The following YTHDC2 variants were observed in gnomAD, a reference collection of about 807,000 sequenced individuals.
YTHDC2 encodes the protein YTH N6-methyladenosine RNA binding protein C2, also known as 3'-5' RNA helicase YTHDC2.
In YTHDC2, 45 loss-of-function variants were observed where a neutral mutation model predicts 174.9. That is an observed-to-expected ratio of 0.26 (90% CI 0.20 to 0.33). The LOEUF is 0.33. Among genes scored for constraint, YTHDC2 ranks in the 10% least tolerant of loss-of-function variants. The pLI is 1.00. For synonymous variants in YTHDC2, 657 were observed against 574.5 expected (o/e 1.14, Z -2.05); for missense variants, 1,650 against 1,723.7 (o/e 0.96, Z 0.76).
intron 3 of YTHDC2, 96 bp from the exon 4 acceptor site, chr5:113,526,490 A>G: frequency 1.1e-6 from 1 of 896,636 alleles, no homozygotes; most frequent in Non-Finnish European, 1.6e-6. Context: ...GTCTTTTGGC[A>G]TGTTTTTCTA....
rs1773216274 is a variant in YTHDC2, at chr5:113,514,034, A to G, written c.139A>G (p.Ile47Val). The G allele has an allele frequency of 6.2e-7, 1 of 1,611,944 alleles. No individual in the cohort carries two copies. Among genetic ancestry groups the G allele is most frequent in the East Asian group, 2.2e-5 (1 of 44,840 alleles). Residue 47 changes from isoleucine (I) to valine (V), a missense_variant, in exon 1 of 30, where the codon ATC becomes GTC. By Grantham distance (29) the Ile-to-Val change is conservative. Around this residue, in one of 5 missense-constraint regions of YTHDC2, gnomAD observed 304 missense variants for 341.4 expected, o/e 0.89. Transcript: ENST00000161863. The stretch of plus-strand genomic sequence containing the variant: ...CATTCGCATTGATGAGGAGGTGAAG[A>G]TCGCAGTCAATATCGCGCTGGAGCG... ...KDIRIDEEVK[I>V]AVNIALERFR...
chr5:113,526,821 A>AT (rs1561628589), intron 4 of YTHDC2, 36 bp downstream of exon 4: 7 of 358,602 alleles, frequency 2.0e-5, no homozygotes, highest in African/African-American at 8.0e-5. Context: ...GAAAAAAAAA[A>AT]AAAAAATATA....
chr5:113,522,221 A>C (rs557663112), intron 2 of YTHDC2, among the ~76,000 whole-genome samples: 1 of 146,958 alleles, frequency 6.8e-6, no homozygotes, highest in South Asian at 2.1e-4. Flanking sequence ...CAGTCATTTG[A>C]GATTTGGGCT....
At chr5:113,554,134 A>G in intron 16 of YTHDC2, 112 bp downstream of exon 16, 2 of 955,066 alleles carry the variant, frequency 2.1e-6, no homozygotes, top group Non-Finnish European at 2.9e-6. Context: ...CCTCTACTCA[A>G]GACAGCTTGG....
At position 113,539,169 on chromosome 5, in the gene YTHDC2, G is replaced by A. The variant is rs1307769738; in HGVS notation, c.1198G>A (p.Glu400Lys). The change falls in exon 8 of 30, where the codon GAA (glutamate) becomes AAA (lysine). Residue 400 changes from glutamate (E) to lysine (K), a missense_variant. By Grantham distance (56) the Glu-to-Lys change is moderately conservative. Coordinates refer to ENST00000161863, the MANE Select transcript of YTHDC2 (RefSeq NM_022828.5). ...TNKEMLKYKK[E>K]KQQEEKQQTT... ...CAAAGAAATGTTAAAATATAAAAAG[G>A]AAAAACAGCAAGGTAAATTTTTTAA... The A allele has an allele frequency of 5.2e-6, 7 of 1,355,780 alleles. No individual in the cohort carries two copies. Among genetic ancestry groups the A allele is most frequent in the Non-Finnish European group, 7.0e-6 (7 of 1,003,650 alleles). The allele number at this position is 1,355,780 out of a possible 1,614,324, so 84.0% of individuals were successfully genotyped here.
intron 2 of YTHDC2, among the ~76,000 whole-genome samples, chr5:113,521,466 C>T (rs1352501735): frequency 1.3e-5 from 2 of 152,152 alleles, no homozygotes; most frequent in Admixed American, 6.5e-5. Context: ...CGCAGTGGCT[C>T]ATGCTGGTAA....
Position 113,567,811 on chromosome 5 carries a change from T to G in YTHDC2, c.3206T>G (p.Leu1069Trp). The G allele has an allele frequency of 2.5e-6, 4 of 1,589,546 alleles. No individual in the cohort carries two copies. The highest frequency in any genetic ancestry group is 3.4e-6 in the Non-Finnish European group (4 of 1,167,812). Residue 1069 changes from leucine (L) to tryptophan (W), a missense_variant, in exon 23 of 30, where the codon TTG becomes TGG. This residue lies in a region of YTHDC2 where 913 missense variants were observed against 940.4 expected (regional missense o/e 0.97). Coordinates refer to ENST00000161863, the MANE Select transcript of YTHDC2 (RefSeq NM_022828.5). ...TILVFCGPAR[L>W]ASNALQEPSS... Reference sequence around the variant, plus strand: ...TTGGTATTCTGTGGACCAGCTAGATTGGCAAGTAATGCTCTTCAGGAACCT... The same window carrying G: ...TTGGTATTCTGTGGACCAGCTAGATGGGCAAGTAATGCTCTTCAGGAACCT...
rs1773213608 is a variant in YTHDC2, at chr5:113,514,001, C to T, written c.106C>T (p.Leu36=). 3.7e-6 allele frequency: 6 copies of T among 1,608,580 alleles called. No individual in the cohort carries two copies. The highest frequency in any genetic ancestry group is 1.1e-5 in the South Asian group (1 of 90,194). ...TGGGGGCGGCGGCCGGGCCAAGGGG[C>T]TGAAGGACATTCGCATTGATGAGGA... is the stretch of plus-strand genomic sequence containing the variant. ...GPGGGGRAKG[L]KDIRIDEEVK... is the part of the protein sequence containing the mutation. Residue 36 remains leucine, a synonymous_variant, in exon 1 of 30, where the codon CTG becomes TTG. Transcript: ENST00000161863.
At chr5:113,561,959 T>TGTGTGTGG (rs1554099032) in intron 18 of YTHDC2, among the ~76,000 whole-genome samples, 2 of 71,462 alleles carry the variant, frequency 2.8e-5, no homozygotes, top group African/African-American at 1.1e-4. Context: ...TAATTGTGGG[T>TGTGTGTGG]GTGTGTGTGT....
At chr5:113,537,660 A>G (rs1386803169) in intron 7 of YTHDC2, among the ~76,000 whole-genome samples, 2 of 150,946 alleles carry the variant, frequency 1.3e-5, no homozygotes, top group Non-Finnish European at 2.9e-5. Context: ...TTTTCCTGGA[A>G]GCTCTCATTC....
chr5:113,513,893 G>T lies in YTHDC2; in HGVS notation c.-3G>T. 1 of 1,601,928 alleles carries T rather than the reference G, an allele frequency of 6.2e-7. No homozygotes were observed. ...CGTGCGGAGAGACCATCTCTTCAGG[G>T]CAATGTCCAGGCCGAGCAGCGTCTC... On this transcript the variant is annotated 5_prime_UTR_variant, in exon 1 of 30. Coordinates refer to ENST00000161863, the MANE Select transcript of YTHDC2 (RefSeq NM_022828.5).
intron 17 of YTHDC2, among the ~76,000 whole-genome samples, chr5:113,558,084 A>AGGGG (rs1471550923): frequency 6.6e-6 from 1 of 152,202 alleles, no homozygotes. Flanking sequence ...TTGTGAATAA[A>AGGGG]GGGGGAGGCA....
At chr5:113,588,823 C>T (rs1211431213) in intron 26 of YTHDC2, among the ~76,000 whole-genome samples, 1 of 151,602 alleles carries the variant, frequency 6.6e-6, no homozygotes, top group African/African-American at 2.4e-5. Flanking sequence ...CAGGGTTTCA[C>T]CATGTTGGCC....
At chr5:113,545,168 A>C (rs1775772838) in intron 10 of YTHDC2, among the ~76,000 whole-genome samples, 1 of 152,184 alleles carries the variant, frequency 6.6e-6, no homozygotes, top group Non-Finnish European at 1.5e-5. Context: ...TGTCTGGGTC[A>C]ATTACCAAGC....
intron 26 of YTHDC2, among the ~76,000 whole-genome samples, chr5:113,588,619 T>C (rs924899412): frequency 1.3e-5 from 2 of 151,094 alleles, no homozygotes; most frequent in Non-Finnish European, 2.9e-5. Flanking sequence ...TATTTATTTA[T>C]TTATTTATAT....
chr5:113,539,838 A>C (rs34864074), intron 8 of YTHDC2, among the ~76,000 whole-genome samples: 44,386 of 151,876 alleles, frequency 0.29, 7,958 homozygotes, highest in African/African-American at 0.49. Context: ...TTTCATTGGG[A>C]AGCACTGAAT....
Position 113,513,812 on chromosome 5 carries a change from C to T in YTHDC2, c.-84C>T, listed in dbSNP as rs1773181607. The stretch of plus-strand genomic sequence containing the variant: ...CGTCTCCGGAGCTTCCCGGTAGTGG[C>T]CCCGGATTCCCACGGTCTTTGTCAT... On this transcript the variant is annotated 5_prime_UTR_variant, in exon 1 of 30. Transcript: ENST00000161863. 2.8e-6 allele frequency: 4 copies of T among 1,433,308 alleles called. No individual in the cohort carries two copies. The South Asian group carries it at 4.3e-5, about 15-fold the overall frequency. 88.8% of individuals were successfully genotyped at this position (1,433,308 alleles called of 1,614,324 possible). A position where few individuals can be genotyped will look rare whatever the true frequency, so the allele number is the denominator to read the frequency against.
chr5:113,514,295 G>A (rs1259327398), intron 1 of YTHDC2: 3 of 711,832 alleles, frequency 4.2e-6, no homozygotes, highest in South Asian at 3.0e-5. Flanking sequence ...GGATCAATGG[G>A]GTTATGGGCA....
chr5:113,553,451 T>C, intron 13 of YTHDC2, 92 bp downstream of exon 13: 1 of 1,407,594 alleles, frequency 7.1e-7, no homozygotes, highest in South Asian at 1.4e-5. Flanking sequence ...ATTGCACTGA[T>C]AGTAGTAAGT....
Sources: allele counts gnomAD v4.1 joint callset (sites outside exome capture counted in the v4.1 genomes callset), GRCh38; gene constraint gnomAD v4.1.1; regional missense constraint gnomAD v4.1.1; transcripts MANE v1.5; gene names NCBI Gene and HGNC (gene_info 2026-07-23, HGNC 2026-07-21).